KAZN: variants seen among roughly 807,000 people sequenced by gnomAD.
The protein encoded by KAZN is kazrin.
In KAZN, 40 loss-of-function variants were observed where a neutral mutation model predicts 87.4. That is an observed-to-expected ratio of 0.46 (90% CI 0.36 to 0.60). The LOEUF (loss-of-function observed/expected upper bound fraction) is 0.60, where lower values mean the gene tolerates loss of function less well. KAZN is among the 20% of genes least tolerant of loss of function. KAZN has a pLI of 0.00. For missense variants in KAZN, 898 were observed against 1,073.9 expected, an observed-to-expected ratio of 0.84 and a Z score of 2.29; for synonymous variants, 466 against 458.3, an observed-to-expected ratio of 1.02 and a Z score of -0.22.
chr1:14,473,354 C>T (rs1206293012), intron 2 of KAZN, among the ~76,000 whole-genome samples: 2 of 152,142 alleles, frequency 1.3e-5, no homozygotes, highest in East Asian at 1.9e-4. Context: ...CTTGGCTGGG[C>T]GTGGTGGCTC....
At chr1:13,894,019 C>T (rs1431086473) in intron 1 of KAZN, among the ~76,000 whole-genome samples, 3 of 152,214 alleles carry the variant, frequency 2.0e-5, no homozygotes, top group African/African-American at 7.2e-5. Context: ...TGTCCTTCGT[C>T]ATCGATTTTC....
intron 1 of KAZN, among the ~76,000 whole-genome samples, chr1:14,721,385 A>G (rs1156871141): frequency 5.9e-5 from 9 of 152,186 alleles, no homozygotes; most frequent in Non-Finnish European, 5.9e-5. Context: ...CATCATTATA[A>G]GTTTCCTGAG....
At chr1:14,391,928 A>G (rs72869087) in intron 2 of KAZN, among the ~76,000 whole-genome samples, 6,674 of 152,240 alleles carry the variant, frequency 0.044, 344 homozygotes, top group East Asian at 0.28. Context: ...ATATGGGATG[A>G]CCGTACTTGC....
chr1:14,945,569 CG>C (rs1330948391), intron 1 of KAZN, among the ~76,000 whole-genome samples: 13 of 152,252 alleles, frequency 8.5e-5, no homozygotes, highest in African/African-American at 2.4e-4. Context: ...GCTGGCTCCC[CG>C]GCCCGGCTCC....
chr1:14,424,610 A>G (rs1159466422), intron 2 of KAZN, among the ~76,000 whole-genome samples: 1 of 152,094 alleles, frequency 6.6e-6, no homozygotes, highest in Non-Finnish European at 1.5e-5. Flanking sequence ...TGCCCCACAC[A>G]CCATCGTCCT....
chr1:14,205,142 C>T (rs574049547), intron 2 of KAZN, among the ~76,000 whole-genome samples: 2 of 152,294 alleles, frequency 1.3e-5, no homozygotes, highest in South Asian at 4.1e-4. Flanking sequence ...CATGACTGAG[C>T]AGCCATCACT....
At chr1:14,725,554 A>G (rs1643339441) in intron 1 of KAZN, among the ~76,000 whole-genome samples, 1 of 152,052 alleles carries the variant, frequency 6.6e-6, no homozygotes. Flanking sequence ...TTCAGGAATA[A>G]ATGTAAGCCT....
At chr1:13,940,698 AG>A (rs779595024) in intron 1 of KAZN, among the ~76,000 whole-genome samples, 16 of 152,240 alleles carry the variant, frequency 1.1e-4, no homozygotes, top group Non-Finnish European at 4.4e-5. Context: ...GAAAATTAAT[AG>A]GAAAAAAATA....
At chr1:14,784,600 A>C (rs75086251) in intron 1 of KAZN, among the ~76,000 whole-genome samples, 2,682 of 152,306 alleles carry the variant, frequency 0.018, 48 homozygotes, top group Middle Eastern at 0.068. Context: ...CTCTACAAAA[A>C]ATACAAAAAT....
chr1:15,049,101 C>T (rs1006431155), intron 4 of KAZN, among the ~76,000 whole-genome samples: 2 of 152,020 alleles, frequency 1.3e-5, no homozygotes, highest in African/African-American at 2.4e-5. Context: ...ACGGCTTTGC[C>T]GGGAGGCTTT....
At chr1:15,011,966 G>A (rs1669613617) in intron 2 of KAZN, among the ~76,000 whole-genome samples, 1 of 152,096 alleles carries the variant, frequency 6.6e-6, no homozygotes, top group Admixed American at 6.5e-5. Flanking sequence ...CAGGGCTGCT[G>A]GAACTTGGAA....
At chr1:14,894,300 C>T (rs543605649) in intron 1 of KAZN, among the ~76,000 whole-genome samples, 121 of 152,280 alleles carry the variant, frequency 7.9e-4, no homozygotes, top group Non-Finnish European at 1.0e-3. Context: ...TTTGCTGTTC[C>T]TTCTCCTCCT....
chr1:14,883,692 C>T (rs1653736641), intron 1 of KAZN, among the ~76,000 whole-genome samples: 1 of 152,152 alleles, frequency 6.6e-6, no homozygotes, highest in South Asian at 2.1e-4. Context: ...CTATCAAAGC[C>T]AGCCCATCCC....
chr1:14,294,321 G>A lies in KAZN; in HGVS notation c.249+113729G>A, dbSNP rs540055539. 1.1e-4 allele frequency among the ~76,000 whole-genome samples: 17 copies of A among 152,192 alleles called. No homozygotes were observed. In the South Asian group the frequency reaches 2.1e-3, roughly 19 times the overall value. On this transcript the variant is annotated intron_variant, in intron 2 of 16. Transcript: ENST00000636203. ...TGCTTTTCCCTACTCACCACACAAA[G>A]GTCCTTGGGTTTAGGGTTCTCCATC...
chr1:14,882,966 C>T (rs773368639), intron 1 of KAZN, among the ~76,000 whole-genome samples: 39 of 152,046 alleles, frequency 2.6e-4, no homozygotes, highest in Non-Finnish European at 4.3e-4. Flanking sequence ...ACATCTCTCT[C>T]CAGAGCTGCT....
chr1:14,281,828 C>T (rs1652861285), intron 2 of KAZN, among the ~76,000 whole-genome samples: 1 of 152,168 alleles, frequency 6.6e-6, no homozygotes, highest in Non-Finnish European at 1.5e-5. Context: ...CATGGGAAGC[C>T]ACAGAAGACT....
At chr1:14,945,863 C>G in intron 1 of KAZN, 1 of 985,388 alleles carries the variant, frequency 1.0e-6, no homozygotes, top group Middle Eastern at 5.2e-4. Context: ...CAGCCTGAGC[C>G]CAAGACTTGC....
At chr1:14,257,938 T>A (rs1347127672) in intron 2 of KAZN, among the ~76,000 whole-genome samples, 25 of 31,288 alleles carry the variant, frequency 8.0e-4, no homozygotes, top group African/African-American at 1.8e-3. Flanking sequence ...AAACTTAGAG[T>A]ATAATAAAAA....
intron 2 of KAZN, among the ~76,000 whole-genome samples, chr1:14,404,102 G>A (rs1051827742): frequency 3.3e-5 from 5 of 152,248 alleles, no homozygotes; most frequent in Admixed American, 2.0e-4. Flanking sequence ...TAGGTGTGCC[G>A]TTTGCATAAC....
Sources: allele counts gnomAD v4.1 joint callset (sites outside exome capture counted in the v4.1 genomes callset), GRCh38; gene constraint gnomAD v4.1.1; transcripts MANE v1.5; gene names NCBI Gene and HGNC (gene_info 2026-07-23, HGNC 2026-07-21).